The following RENBP variants were observed in gnomAD, a reference collection of about 807,000 sequenced individuals.
The protein encoded by RENBP is N-acylglucosamine 2-epimerase.
In RENBP, 16 loss-of-function variants were observed where a neutral mutation model predicts 37.8. The observed-to-expected ratio is 0.42, with a 90% confidence interval of 0.29 to 0.64. The LOEUF (loss-of-function observed/expected upper bound fraction) is 0.64. Among genes scored for constraint, RENBP ranks in the 30% least tolerant of loss-of-function variants. RENBP has a pLI of 0.19. For synonymous variants in RENBP, 170 were observed against 154.8 expected, an observed-to-expected ratio of 1.10 and a Z score of -0.73; for missense variants, 347 against 379.5, an observed-to-expected ratio of 0.91 and a Z score of 0.71.
In RENBP at chrX:153,935,532, T is replaced by C. The variant is rs1557108370; in HGVS notation, c.1122A>G (p.Arg374=). Residue 374 remains arginine, a synonymous_variant, in exon 10 of 11, where the codon CGA becomes CGG. Coordinates refer to ENST00000393700, the MANE Select transcript of RENBP (RefSeq NM_002910.6). The stretch of plus-strand genomic sequence containing the variant: ...TGATGGAGAGGGCCACCTTGCCCTC[T>C]CGGCTCAGGTAGCCAAACCATTCCC... The part of the protein sequence containing the change: ...EYGEWFGYLS[R]EGKVALSIKG... 1.7e-6 allele frequency: 2 copies of C among 1,210,552 alleles called. No homozygotes were observed. The highest frequency in any genetic ancestry group is 3.5e-5 in the South Asian group (2 of 57,004).
chrX:153,943,142 A>G, intron 5 of RENBP, 63 bp from the exon 6 acceptor site: 2 of 871,263 alleles, frequency 2.3e-6, no homozygotes, highest in Non-Finnish European at 3.1e-6. Flanking sequence ...ATCCCCCTGG[A>G]CACGGCCCTG....
At chrX:153,943,154 G>A in intron 5 of RENBP, 75 bp from the exon 6 acceptor site, 8 of 801,519 alleles carry the variant, frequency 1.0e-5, no homozygotes, top group Non-Finnish European at 1.4e-5. Flanking sequence ...ACGGCCCTGG[G>A]GTGGGAGAGC....
At chrX:153,943,855 G>T in intron 4 of RENBP, 40 bp downstream of exon 4, 1 of 1,168,942 alleles carries the variant, frequency 8.6e-7, no homozygotes, top group South Asian at 1.9e-5. Context: ...AGTAAACATG[G>T]ACGGAGTCAC....
intron 8 of RENBP, among the ~76,000 whole-genome samples, chrX:153,940,517 T>C (rs1168194726): frequency 1.8e-5 from 2 of 111,777 alleles, no homozygotes; most frequent in African/African-American, 6.5e-5. Flanking sequence ...CCAGAGCAAC[T>C]CCATCTTAAA....
At position 153,940,135 on chromosome X, in the gene RENBP, G is replaced by A; in HGVS notation, c.1044C>T (p.Leu348=). ...AGGTGTACTCAGCCACTTGGTAGAA[G>A]AGGCGCAGCAGCACAGGGTCCCCAC... ...SDSGDPVLLR[L]FYQVAEYTFR... is the part of the protein sequence containing the mutation. The change falls in exon 9 of 11, where the codon CTC becomes CTT. Residue 348 remains leucine (L), a synonymous_variant. Coordinates refer to ENST00000393700, the MANE Select transcript of RENBP (RefSeq NM_002910.6). 1 of 1,211,350 alleles carries A rather than the reference G, an allele frequency of 8.3e-7. No individual in the cohort carries two copies. Among genetic ancestry groups the A allele is most frequent in the Non-Finnish European group, 1.1e-6 (1 of 895,420 alleles).
chrX:153,943,413 C>A, intron 5 of RENBP, 133 bp downstream of exon 5: 1 of 643,432 alleles, frequency 1.6e-6, no homozygotes, highest in Non-Finnish European at 2.3e-6. Context: ...GGTAGGGGAG[C>A]GTTCAGAGGT....
Position 153,941,950 on chromosome X carries a change from C to CCCCCGGGT in RENBP, c.768_769insACCCGGGG (p.Gly257ThrfsTer29). 8.8e-7 allele frequency: 1 copy of CCCCCGGGT among 1,130,632 alleles called. No homozygotes were observed. Among genetic ancestry groups the CCCCCGGGT allele is most frequent in the Non-Finnish European group, 1.2e-6 (1 of 823,201 alleles). 93.2% of individuals were successfully genotyped at this position (1,130,632 alleles called of 1,213,427 possible). ...GCCCCCAGCCCACCCCGCCCCTCAC[C>CCCCCGGGT]TGGGTTCTGCTGTCTCCCCAGGCAG... On this transcript the variant is annotated frameshift_variant and splice_region_variant, in exon 7 of 11. Coordinates refer to ENST00000393700, the MANE Select transcript of RENBP (RefSeq NM_002910.6). LOFTEE classifies it high-confidence loss of function.
chrX:153,943,334 G>A (rs1260694949), intron 5 of RENBP, among the ~76,000 whole-genome samples: 1 of 112,678 alleles, frequency 8.9e-6, no homozygotes, highest in African/African-American at 3.2e-5. Context: ...GCCCAGGGAG[G>A]AGGGAAGGGC....
chrX:153,942,783 A>G, intron 6 of RENBP, 72 bp downstream of exon 6: 3 of 875,836 alleles, frequency 3.4e-6, no homozygotes, highest in Non-Finnish European at 5.0e-6. Flanking sequence ...AGGTGTGTCG[A>G]GCCCCAGGGT....
chrX:153,943,456 G>A (rs1458728682), intron 5 of RENBP, 90 bp downstream of exon 5: 3 of 953,883 alleles, frequency 3.1e-6, no homozygotes, highest in Admixed American at 2.7e-5. Context: ...GGGTCCATGG[G>A]AGGGGACTTG....
chrX:153,942,467 C>T lies in RENBP; in HGVS notation c.687+388G>A, dbSNP rs1229023428. ...GGCCAGGCTGGTCTCCAACTCCTGA[C>T]CTCAGGTGATCCGCCCGCCTCAGCC... On this transcript the variant is annotated intron_variant, in intron 6 of 10. Transcript: ENST00000393700. The T allele has an allele frequency of 2.3e-5, 5 of 219,472 alleles. No individual in the cohort carries two copies. In the East Asian group the frequency reaches 3.3e-4, roughly 15 times the overall value. 18.1% of individuals were successfully genotyped at this position (219,472 alleles called of 1,213,427 possible).
intron 1 of RENBP, 70 bp downstream of exon 1, chrX:153,944,514 C>T (rs2065241318): frequency 6.0e-6 from 7 of 1,165,166 alleles, no homozygotes; most frequent in Non-Finnish European, 7.0e-6. Flanking sequence ...CACCTCTGCA[C>T]GGGGCTTCAG....
intron 2 of RENBP, 30 bp downstream of exon 2, chrX:153,944,279 T>A (rs2065240055): frequency 8.5e-7 from 1 of 1,182,917 alleles, no homozygotes; most frequent in African/African-American, 1.8e-5. Context: ...GCAAAAACCC[T>A]GCTGAGGACT....
At position 153,943,714 on chromosome X, in the gene RENBP, A is replaced by G. The variant is rs782418382; in HGVS notation, c.294T>C (p.Gly98=). 3 of 1,208,436 alleles carry G rather than the reference A, an allele frequency of 2.5e-6. No homozygotes were observed. In the Admixed American group the frequency reaches 6.5e-5, roughly 26 times the overall value. ...AQLLDAAKAG[G]EFLLRYARVA... ...CCCGGGCATACCGCAGCAAGAACTCACCACCTGGAGGTTGGGGGGTTGGCA... is the reference window on the plus strand; with the variant it reads ...CCCGGGCATACCGCAGCAAGAACTCGCCACCTGGAGGTTGGGGGGTTGGCA... The change falls in exon 5 of 11, where the codon GGT becomes GGC. Residue 98 remains glycine (G), a synonymous_variant. Transcript: ENST00000393700.
chrX:153,938,796 G>GTTTT (rs782397481), intron 9 of RENBP, among the ~76,000 whole-genome samples: 5 of 75,016 alleles, frequency 6.7e-5, no homozygotes, highest in African/African-American at 3.0e-4. Context: ...TTTTTTTTTT[G>GTTTT]TTTTTTTTTT....
At chrX:153,942,344 C>T (rs2065231205) in intron 6 of RENBP, 1 of 198,312 alleles carries the variant, frequency 5.0e-6, no homozygotes, top group Non-Finnish European at 8.8e-6. Context: ...TCATGCGATT[C>T]TCCTGCCTCA....
At position 153,942,854 on chromosome X, in the gene RENBP, C is replaced by T. The variant is rs1557109798; in HGVS notation, c.687+1G>A. ...ACCCCAGCTCCCCAGGCATCCCCCA[C>T]CTGCACGTGCTGCAGAATCCTCCGG... On this transcript the variant is annotated splice_donor_variant, in intron 6 of 10. Transcript: ENST00000393700. LOFTEE classifies it high-confidence loss of function. The T allele has an allele frequency of 1.7e-6, 2 of 1,204,415 alleles. No individual in the cohort carries two copies. The highest frequency in any genetic ancestry group is 2.2e-6 in the Non-Finnish European group (2 of 889,458).
chrX:153,941,026 C>T (rs1225004494), intron 8 of RENBP, among the ~76,000 whole-genome samples: 1 of 106,710 alleles, frequency 9.4e-6, no homozygotes, highest in African/African-American at 3.4e-5. Flanking sequence ...GTAATCCTAG[C>T]TACTCGGGAG....
intron 8 of RENBP, among the ~76,000 whole-genome samples, chrX:153,941,031 C>T (rs1290692502): frequency 2.9e-5 from 3 of 104,159 alleles, no homozygotes; most frequent in African/African-American, 1.1e-4. Context: ...CCTAGCTACT[C>T]GGGAGGCTAG....
Sources: allele counts gnomAD v4.1 joint callset (sites outside exome capture counted in the v4.1 genomes callset), GRCh38; gene constraint gnomAD v4.1.1; transcripts MANE v1.5; gene names NCBI Gene and HGNC (gene_info 2026-07-23, HGNC 2026-07-21).